The following STK24 variants were observed in gnomAD, a reference collection of about 807,000 sequenced individuals.
STK24 encodes serine/threonine kinase 24, also known as serine/threonine-protein kinase 24.
Under a neutral mutation model 55.6 loss-of-function variants are expected in STK24, and 21 were observed. The ratio of observed to expected loss-of-function variants is 0.38; its 90% confidence interval spans 0.27 to 0.54. STK24 has a LOEUF of 0.54. Among genes scored for constraint, STK24 ranks in the 20% least tolerant of loss-of-function variants. The probability of loss-of-function intolerance (pLI) is 0.79; values close to 1 mark genes in which losing one functional copy is unlikely to be tolerated. For synonymous variants in STK24, 200 were observed against 215.2 expected, an observed-to-expected ratio of 0.93 and a Z score of 0.62; for missense variants, 383 against 538.4, an observed-to-expected ratio of 0.71 and a Z score of 2.86.
rs572976698 is a variant in STK24 at position 98,492,377 on chromosome 13, G to A, written c.274-10056C>T. 1.3e-3 allele frequency among the ~76,000 whole-genome samples: 198 copies of A among 152,246 alleles called. 3 individuals are homozygous for A. The South Asian group carries it at 0.016, about 12-fold the overall frequency. ...TAGGAAGCTGTAGTCTAGTGAGAGG[G>A]GCTGGCCCAAAGAGGGCCCTTTCTA... On this transcript the variant is annotated intron_variant, in intron 2 of 10. Transcript: ENST00000539966.
At chr13:98,528,944 C>G (rs536431942) in intron 1 of STK24, among the ~76,000 whole-genome samples, 1 of 152,146 alleles carries the variant, frequency 6.6e-6, no homozygotes. Context: ...GCTGCAGGCA[C>G]GGACTCTCAC....
At chr13:98,502,590 G>C (rs566218917) in intron 2 of STK24, among the ~76,000 whole-genome samples, 6 of 152,142 alleles carry the variant, frequency 3.9e-5, no homozygotes, top group Admixed American at 6.5e-5. Flanking sequence ...TCAGGAACAG[G>C]TTTGTTATCG....
At chr13:98,511,865 C>T (rs1034797591) in intron 2 of STK24, among the ~76,000 whole-genome samples, 4 of 151,416 alleles carry the variant, frequency 2.6e-5, no homozygotes, top group Admixed American at 6.6e-5. Context: ...TGTTACAACA[C>T]ATAGGACTAT....
chr13:98,453,962 G>A (rs1370017431), intron 10 of STK24: 2 of 152,126 alleles, frequency 1.3e-5, no homozygotes, highest in African/African-American at 2.4e-5. Context: ...CCCCAAATCC[G>A]AAATCTGACA....
At chr13:98,475,198 C>T in intron 4 of STK24, 52 bp downstream of exon 4, 13 of 1,525,502 alleles carry the variant, frequency 8.5e-6, no homozygotes, top group Admixed American at 1.8e-5. Context: ...TTCAGGGCAA[C>T]CCCACCACCA....
At chr13:98,496,653 G>A (rs1566368984) in intron 2 of STK24, among the ~76,000 whole-genome samples, 2 of 152,170 alleles carry the variant, frequency 1.3e-5, no homozygotes, top group Admixed American at 6.5e-5. Flanking sequence ...AACCTCTGGG[G>A]AAATTGCCAC....
intron 2 of STK24, among the ~76,000 whole-genome samples, chr13:98,497,528 T>C (rs1895293003): frequency 6.6e-6 from 1 of 152,200 alleles, no homozygotes; most frequent in Admixed American, 6.5e-5. Context: ...TCAGAACCTC[T>C]TGTCCCAATC....
chr13:98,446,456 G>A lies in STK24; in HGVS notation c.*6717C>T, dbSNP rs945355663. 3.3e-6 allele frequency: 2 copies of A among 611,186 alleles called. No homozygotes were observed. Among genetic ancestry groups the A allele is most frequent in the Non-Finnish European group, 2.9e-6 (1 of 346,794 alleles). The allele number at this position is 611,186 out of a possible 1,614,324, so 37.9% of individuals were successfully genotyped here. On this transcript the variant is annotated 3_prime_UTR_variant, in exon 11 of 11. Transcript: ENST00000539966. ...TCTTCTGCCTGGACAAGGGACGGGG[G>A]TTGGCTTTATCTACAGCTCAGTCCT...
At chr13:98,477,743 G>A (rs1260141956) in intron 3 of STK24, among the ~76,000 whole-genome samples, 1 of 151,230 alleles carries the variant, frequency 6.6e-6, no homozygotes, top group Non-Finnish European at 1.5e-5. Flanking sequence ...CCAAGTCTGT[G>A]CCCAAGCCGA....
intron 1 of STK24, among the ~76,000 whole-genome samples, chr13:98,558,144 C>T (rs1317946687): frequency 6.6e-6 from 1 of 152,162 alleles, no homozygotes. Context: ...TCATCTAATC[C>T]CAATGCCAGC....
At chr13:98,574,892 A>G (rs563016111) in intron 1 of STK24, among the ~76,000 whole-genome samples, 3 of 152,310 alleles carry the variant, frequency 2.0e-5, no homozygotes, top group Admixed American at 2.0e-4. Context: ...GATACTAGAT[A>G]TCACCTGGTA....
At chr13:98,566,958 G>T (rs1897591639) in intron 1 of STK24, among the ~76,000 whole-genome samples, 1 of 152,186 alleles carries the variant, frequency 6.6e-6, no homozygotes, top group Non-Finnish European at 1.5e-5. Context: ...CGCTTCCAAA[G>T]TTCGACGAAA....
chr13:98,455,313 C>G (rs1006098086), intron 10 of STK24: 1 of 152,200 alleles, frequency 6.6e-6, no homozygotes, highest in Non-Finnish European at 1.5e-5. Context: ...AACGTGATCA[C>G]AGCCATAGCC....
intron 2 of STK24, among the ~76,000 whole-genome samples, chr13:98,504,404 G>A (rs901396206): frequency 6.6e-6 from 1 of 152,132 alleles, no homozygotes; most frequent in Non-Finnish European, 1.5e-5. Context: ...CTCTTCCCTG[G>A]GTCAGGATCT....
chr13:98,476,948 T>C (rs1043369256), intron 3 of STK24, among the ~76,000 whole-genome samples: 1 of 152,224 alleles, frequency 6.6e-6, no homozygotes, highest in African/African-American at 2.4e-5. Flanking sequence ...CACTTGTCGC[T>C]TTTAGTTTGA....
At chr13:98,557,532 G>T (rs926496147) in intron 1 of STK24, among the ~76,000 whole-genome samples, 1 of 152,188 alleles carries the variant, frequency 6.6e-6, no homozygotes, top group Non-Finnish European at 1.5e-5. Context: ...GGCACAGTTC[G>T]ATCTGGCATC....
chr13:98,454,954 A>G (rs1203331373), intron 10 of STK24: 1 of 152,220 alleles, frequency 6.6e-6, no homozygotes, highest in African/African-American at 2.4e-5. Context: ...TTTAAACACA[A>G]CACAGACATC....
At chr13:98,482,030 G>T (rs1894604313) in intron 3 of STK24, among the ~76,000 whole-genome samples, 1 of 149,674 alleles carries the variant, frequency 6.7e-6, no homozygotes, top group Non-Finnish European at 1.5e-5. Context: ...TTGCGCCACT[G>T]CACTTCAGCC....
At chr13:98,500,934 A>G (rs1234427708) in intron 2 of STK24, among the ~76,000 whole-genome samples, 1 of 152,184 alleles carries the variant, frequency 6.6e-6, no homozygotes, top group Non-Finnish European at 1.5e-5. Context: ...TTAAGTAGCC[A>G]CATCTTTTCT....
Sources: gnomAD v4.1 joint callset for allele counts (sites outside exome capture counted in the v4.1 genomes callset) on GRCh38, gnomAD v4.1.1 for gene constraint, MANE v1.5 for transcripts, NCBI Gene and HGNC (gene_info 2026-07-23, HGNC 2026-07-21) for gene names.